GPN1: variants seen among roughly 807,000 people sequenced by gnomAD.
GPN1 encodes the protein GPN-loop GTPase 1, also known as ATP(GTP)-binding protein.
In GPN1, 44 loss-of-function variants were observed where a neutral mutation model predicts 55.9. The observed-to-expected ratio is 0.79, with a 90% CI of 0.62 to 1.01. The LOEUF is 1.01. Among genes scored for constraint, GPN1 ranks in the 50% least tolerant of loss-of-function variants. The pLI is 0.00. For synonymous variants in GPN1, 179 were observed against 162.5 expected, an observed-to-expected ratio of 1.10 and a Z score of -0.77; for missense variants, 466 against 462.8, an observed-to-expected ratio of 1.01 and a Z score of -0.06.
intron 7 of GPN1, among the ~76,000 whole-genome samples, chr2:27,636,261 C>T (rs1031809974): frequency 6.6e-5 from 10 of 152,200 alleles, no homozygotes; most frequent in Admixed American, 2.6e-4. Flanking sequence ...GCACCATTAG[C>T]AGAGGAAGGG....
chr2:27,644,734 T>G (rs1674137918), intron 12 of GPN1, among the ~76,000 whole-genome samples: 1 of 148,796 alleles, frequency 6.7e-6, no homozygotes, highest in Non-Finnish European at 1.5e-5. Flanking sequence ...TTTTTTTTTT[T>G]TTTTTTTTTA....
Position 27,629,163 on chromosome 2 carries a change from T to C in GPN1, c.105T>C (p.Phe35=), listed in dbSNP as rs761088795. ...LGMAGSGKTT[F]VQRLTGHLHA... ...TGGCGGGATCCGGGAAAACCACTTT[T>C]GTACAGGTGACGTACACAGCATGGG... The change falls in exon 1 of 14, where the codon TTT becomes TTC. Residue 35 remains phenylalanine, a synonymous_variant. Coordinates refer to ENST00000610189, the MANE Select transcript of GPN1 (RefSeq NM_007266.4). 2.2e-5 allele frequency: 35 copies of C among 1,614,140 alleles called. 1 individual carries two copies. In the South Asian group the frequency reaches 3.1e-4, roughly 14 times the overall value.
rs549044658 is a variant in GPN1 at position 27,651,212 on chromosome 2, C to T, written c.*1012C>T. ...AATTTTATCTCTATGAGTCAGTACTCCAACTTAGTGGTTCTCACATTGTGG... is the reference window on the plus strand; with the variant it reads ...AATTTTATCTCTATGAGTCAGTACTTCAACTTAGTGGTTCTCACATTGTGG... On this transcript the variant is annotated 3_prime_UTR_variant, in exon 14 of 14. Coordinates refer to ENST00000610189, the MANE Select transcript of GPN1 (RefSeq NM_007266.4). 1.3e-5 allele frequency: 2 copies of T among 152,392 alleles called. No individual in the cohort carries two copies. The highest frequency in any genetic ancestry group is 1.3e-4 in the Admixed American group (2 of 15,298). The allele number at this position is 152,392 out of a possible 1,614,324, so 9.4% of individuals were successfully genotyped here.
At chr2:27,630,452 G>A (rs1475136211) in intron 2 of GPN1, among the ~76,000 whole-genome samples, 2 of 132,486 alleles carry the variant, frequency 1.5e-5, no homozygotes, top group Non-Finnish European at 3.1e-5. Flanking sequence ...GCAGTGGCGT[G>A]ATTCACAGGT....
chr2:27,647,913 G>A lies in GPN1; in HGVS notation c.1009G>A (p.Asp337Asn). Residue 337 changes from aspartate (D) to asparagine (N), a missense_variant, in exon 13 of 14, where the codon GAC becomes AAC. Coordinates refer to ENST00000610189, the MANE Select transcript of GPN1 (RefSeq NM_007266.4). ...CTTGGATGAAGAGGATGAGGAAGCAGACAGCGATACTGATGACATTGACCA... is the reference window on the plus strand; with the variant it reads ...CTTGGATGAAGAGGATGAGGAAGCAAACAGCGATACTGATGACATTGACCA... ...GTLDEEDEEA[D>N]SDTDDIDHRV... 1 of 1,612,538 alleles carries A rather than the reference G, an allele frequency of 6.2e-7. No individual in the cohort carries two copies. Among genetic ancestry groups the A allele is most frequent in the Non-Finnish European group, 8.5e-7 (1 of 1,178,526 alleles).
At chr2:27,638,648 G>A (rs1673823970) in intron 8 of GPN1, among the ~76,000 whole-genome samples, 1 of 150,346 alleles carries the variant, frequency 6.7e-6, no homozygotes, top group South Asian at 2.1e-4. Flanking sequence ...GTCCATTCTG[G>A]TCCTGGTACT....
chr2:27,638,304 G>A (rs1328304042), intron 8 of GPN1, 49 bp downstream of exon 8: 11 of 1,051,806 alleles, frequency 1.0e-5, no homozygotes, highest in Non-Finnish European at 1.6e-5. Context: ...TCAGAACCTT[G>A]TGGTTAGAAG....
At chr2:27,637,286 C>A (rs138956114) in intron 7 of GPN1, among the ~76,000 whole-genome samples, 1 of 151,882 alleles carries the variant, frequency 6.6e-6, no homozygotes, top group Admixed American at 6.6e-5. Flanking sequence ...TGAAGTAGAT[C>A]GTCATAAAAC....
At chr2:27,629,439 G>A in intron 1 of GPN1, 1 of 1,541,254 alleles carries the variant, frequency 6.5e-7, no homozygotes, top group Non-Finnish European at 8.8e-7. Flanking sequence ...TGCGTTTCTC[G>A]GAGGCAAGTT....
At position 27,650,941 on chromosome 2, in the gene GPN1, G is replaced by C. The variant is rs13398927; in HGVS notation, c.*741G>C. The C allele has an allele frequency of 0.057, 8,715 of 152,792 alleles. 691 individuals carry two copies. Among genetic ancestry groups the C allele is most frequent in the African/African-American group, 0.18 (7,502 of 41,528 alleles). 9.5% of individuals were successfully genotyped at this position (152,792 alleles called of 1,614,324 possible). ...CCTGTTCAACAGAGGCTTAAGGCCA[G>C]ATGTCCAAACTTGTCTCAATAAGGA... On this transcript the variant is annotated 3_prime_UTR_variant, in exon 14 of 14. Coordinates refer to ENST00000610189, the MANE Select transcript of GPN1 (RefSeq NM_007266.4).
At position 27,638,202 on chromosome 2, in the gene GPN1, GT is replaced by G; in HGVS notation, c.525-4del. 1 of 1,509,494 alleles carries G rather than the reference GT, an allele frequency of 6.6e-7. No homozygotes were observed. Among genetic ancestry groups the G allele is most frequent in the Non-Finnish European group, 9.2e-7 (1 of 1,085,012 alleles). The allele number at this position is 1,509,494 out of a possible 1,614,324, so 93.5% of individuals were successfully genotyped here. On this transcript the variant is annotated splice_region_variant and splice_polypyrimidine_tract_variant and intron_variant, in intron 7 of 13. Coordinates refer to ENST00000610189, the MANE Select transcript of GPN1 (RefSeq NM_007266.4). The stretch of plus-strand genomic sequence containing the variant: ...TTTACTAATAACTTCTCAATGTTTG[GT>G]TTTCAGCATCTTATACAAAACCAAG...
At chr2:27,646,556 T>G (rs1674243340) in intron 12 of GPN1, among the ~76,000 whole-genome samples, 1 of 152,208 alleles carries the variant, frequency 6.6e-6, no homozygotes, top group African/African-American at 2.4e-5. Flanking sequence ...AGTTTTCATT[T>G]ACAGCCCACC....
chr2:27,634,482 C>T (rs1328610806), intron 5 of GPN1, among the ~76,000 whole-genome samples: 3 of 152,186 alleles, frequency 2.0e-5, no homozygotes, highest in Non-Finnish European at 4.4e-5. Flanking sequence ...CCCATTCCTC[C>T]CATTCTTCTT....
At chr2:27,629,393 T>C in intron 1 of GPN1, 1 of 1,551,300 alleles carries the variant, frequency 6.4e-7, no homozygotes, top group East Asian at 2.4e-5. Flanking sequence ...CGGTCCAGCT[T>C]ACCACGTTGT....
rs924806822 is a variant in GPN1 at position 27,629,158 on chromosome 2, A to G, written c.100A>G (p.Thr34Ala). 32 of 1,613,976 alleles carry G rather than the reference A, an allele frequency of 2.0e-5. No individual in the cohort carries two copies. Among genetic ancestry groups the G allele is most frequent in the Non-Finnish European group, 2.7e-5 (32 of 1,180,024 alleles). ...VLGMAGSGKT[T>A]FVQRLTGHLH... is the part of the protein sequence containing the mutation. ...GGGAATGGCGGGATCCGGGAAAACC[A>G]CTTTTGTACAGGTGACGTACACAGC... The change falls in exon 1 of 14, where the codon ACT (threonine) becomes GCT (alanine). Residue 34 changes from threonine to alanine, a missense_variant. By Grantham distance (58) the Thr-to-Ala change is moderately conservative. Transcript: ENST00000610189.
intron 3 of GPN1, chr2:27,631,557 T>C (rs1380849297): frequency 7.5e-6 from 4 of 530,302 alleles, no homozygotes; most frequent in Non-Finnish European, 1.3e-5. Flanking sequence ...TAATGACCAA[T>C]GCCAGTGGGC....
intron 12 of GPN1, among the ~76,000 whole-genome samples, chr2:27,647,164 C>T (rs956853540): frequency 1.3e-5 from 2 of 152,154 alleles, no homozygotes; most frequent in African/African-American, 4.8e-5. Flanking sequence ...CTGTCTCTGG[C>T]CACCCTTATT....
chr2:27,647,883 G>A lies in GPN1; in HGVS notation c.979G>A (p.Gly327Arg), dbSNP rs778597944. 2 of 1,613,820 alleles carry A rather than the reference G, an allele frequency of 1.2e-6. No individual in the cohort carries two copies. The highest frequency in any genetic ancestry group is 1.7e-6 in the Non-Finnish European group (2 of 1,179,744). Reference protein sequence around the residue: ...LHPSDLILTRGTLDEEDEEAD... With the variant: ...LHPSDLILTRRTLDEEDEEAD... ...CCCTTCTGATTTGATCCTGACTCGA[G>A]GAACCTTGGATGAAGAGGATGAGGA... The change falls in exon 13 of 14, where the codon GGA becomes AGA. Residue 327 changes from glycine (G) to arginine (R), a missense_variant. Coordinates refer to ENST00000610189, the MANE Select transcript of GPN1 (RefSeq NM_007266.4).
intron 5 of GPN1, among the ~76,000 whole-genome samples, 186 bp from the exon 6 acceptor site, chr2:27,634,660 T>C (rs562151580): frequency 2.6e-5 from 4 of 152,362 alleles, no homozygotes; most frequent in South Asian, 4.1e-4. Context: ...GGCGTGAATA[T>C]TGGTCATTGA....
Sources: allele counts gnomAD v4.1 joint callset (sites outside exome capture counted in the v4.1 genomes callset), GRCh38; gene constraint gnomAD v4.1.1; transcripts MANE v1.5; gene names NCBI Gene and HGNC (gene_info 2026-07-23, HGNC 2026-07-21).